NAT1: variants seen among roughly 807,000 people sequenced by gnomAD.
NAT1 encodes arylamine N-acetyltransferase 1.
For synonymous variants in NAT1, 144 were observed against 122.6 expected, an observed-to-expected ratio of 1.17 and a Z score of -1.16; for missense variants, 400 against 339.2, an observed-to-expected ratio of 1.18 and a Z score of -1.41.
intron 2 of NAT1, among the ~76,000 whole-genome samples, chr8:18,182,046 C>G (rs1190340258): frequency 6.6e-6 from 1 of 152,186 alleles, no homozygotes; most frequent in Non-Finnish European, 1.5e-5. Context: ...TGTCTCTCTC[C>G]TCTCTATGGT....
At chr8:18,172,219 A>C (rs533618728) in intron 2 of NAT1, among the ~76,000 whole-genome samples, 4 of 152,166 alleles carry the variant, frequency 2.6e-5, no homozygotes, top group Non-Finnish European at 5.9e-5. Flanking sequence ...AAACACTAGA[A>C]GAAGAGAATA....
chr8:18,184,358 C>T (rs1466376807), intron 2 of NAT1, among the ~76,000 whole-genome samples: 1 of 152,104 alleles, frequency 6.6e-6, no homozygotes, highest in Admixed American at 6.5e-5. Flanking sequence ...ACGGAGGGCG[C>T]CCTGGGCCCA....
chr8:18,205,648 A>C (rs886869498), upstream of NAT1, among the ~76,000 whole-genome samples: 5 of 152,280 alleles, frequency 3.3e-5, no homozygotes, highest in South Asian at 1.0e-3. Flanking sequence ...AAGGAAAGCA[A>C]AATCTGCCCA....
intron 2 of NAT1, among the ~76,000 whole-genome samples, chr8:18,197,825 T>G (rs954214698): frequency 6.6e-6 from 1 of 152,088 alleles, no homozygotes; most frequent in African/African-American, 2.4e-5. Context: ...TGTGACCTGG[T>G]TCTGACCAAT....
intron 2 of NAT1, among the ~76,000 whole-genome samples, chr8:18,191,746 C>T (rs1256819425): frequency 1.3e-5 from 2 of 152,012 alleles, no homozygotes; most frequent in Non-Finnish European, 2.9e-5. Context: ...GGAAAGGATT[C>T]CCTATTTAAT....
At chr8:18,174,006 CAG>C (rs1347063409) in intron 2 of NAT1, among the ~76,000 whole-genome samples, 3 of 152,052 alleles carry the variant, frequency 2.0e-5, no homozygotes, top group Non-Finnish European at 4.4e-5. Flanking sequence ...AAGTAAGAAA[CAG>C]AGACAGAGCT....
At chr8:18,203,086 A>T (rs1803547284) in intron 2 of NAT1, among the ~76,000 whole-genome samples, 1 of 152,164 alleles carries the variant, frequency 6.6e-6, no homozygotes, top group South Asian at 2.1e-4. Flanking sequence ...AAAGTTCTCC[A>T]AGTCCTCACT....
rs367743821 is a variant in NAT1 at position 18,192,838 on chromosome 8, T to C, written n.93-16943T>C. Among the ~76,000 whole-genome samples the C allele has an allele frequency of 6.2e-3, 910 of 145,628 alleles. 11 individuals are homozygous for C. The highest frequency in any genetic ancestry group is 0.021 in the African/African-American group (824 of 38,990). On this transcript the variant is annotated intron_variant and non_coding_transcript_variant, in intron 2 of 4. Coordinates refer to the NAT1 transcript ENST00000517441. ...GGGAACATCACACTCTGGGGACTGT[T>C]GTGGGGTGGGGGAAGGGGGGAGGGA...
At chr8:18,194,365 G>A (rs1803144237) in intron 2 of NAT1, among the ~76,000 whole-genome samples, 1 of 152,156 alleles carries the variant, frequency 6.6e-6, no homozygotes, top group Non-Finnish European at 1.5e-5. Context: ...CTCTGCCTAT[G>A]ATGACAATTA....
intron 2 of NAT1, among the ~76,000 whole-genome samples, chr8:18,178,285 TAGAC>T (rs28383665): frequency 0.031 from 4,722 of 152,232 alleles, 232 homozygotes; most frequent in African/African-American, 0.11. Context: ...GGTGACTTCT[TAGAC>T]AGCATTCCTT....
chr8:18,188,664 T>G (rs2117247545), intron 2 of NAT1, among the ~76,000 whole-genome samples: 2 of 152,062 alleles, frequency 1.3e-5, no homozygotes, highest in South Asian at 4.2e-4. Flanking sequence ...TAAATGAAAT[T>G]TAATTTTTTA....
chr8:18,189,949 C>G (rs951114602), intron 2 of NAT1, among the ~76,000 whole-genome samples: 1 of 152,100 alleles, frequency 6.6e-6, no homozygotes, highest in Non-Finnish European at 1.5e-5. Context: ...GCCACCACAC[C>G]TGGCTAATTT....
intron 2 of NAT1, among the ~76,000 whole-genome samples, chr8:18,188,041 T>C (rs1802816779): frequency 6.6e-6 from 1 of 151,756 alleles, no homozygotes; most frequent in African/African-American, 2.4e-5. Context: ...AGCTATGTTG[T>C]CTTCTTCAAA....
chr8:18,222,098 C>A lies in NAT1; in HGVS notation c.51C>A (p.Asn17Lys), dbSNP rs1563197095. Reference protein sequence around the residue: ...LERIGYKKSRNKLDLETLTDI... With the variant: ...LERIGYKKSRKKLDLETLTDI... ...GAATTGGCTATAAGAAGTCTAGGAA[C>A]AAATTGGACTTGGAAACATTAACTG... The change falls in exon 3 of 3, where the codon AAC (asparagine) becomes AAA (lysine). Residue 17 changes from asparagine (N) to lysine (K), a missense_variant. By Grantham distance (94) the Asn-to-Lys change is moderately conservative. Transcript: ENST00000307719. 2 of 1,614,030 alleles carry A rather than the reference C, an allele frequency of 1.2e-6. No individual in the cohort carries two copies. The highest frequency in any genetic ancestry group is 1.7e-6 in the Non-Finnish European group (2 of 1,179,940).
intron 2 of NAT1, 45 bp downstream of exon 2, chr8:18,219,534 C>G (rs560884023): frequency 1.9e-6 from 2 of 1,066,188 alleles, no homozygotes; most frequent in African/African-American, 3.2e-5. Context: ...TTCCTAAGCA[C>G]GTTCACTCTG....
At chr8:18,178,640 C>G (rs7818694) in intron 2 of NAT1, among the ~76,000 whole-genome samples, 46,060 of 152,010 alleles carry the variant, frequency 0.3, 8,371 homozygotes, top group African/African-American at 0.51. Flanking sequence ...CCATTTAAGT[C>G]ACAGATGAAT....
chr8:18,185,646 T>C (rs1227346406), intron 2 of NAT1, among the ~76,000 whole-genome samples: 2 of 152,136 alleles, frequency 1.3e-5, no homozygotes, highest in Non-Finnish European at 2.9e-5. Context: ...ATTTCCACTA[T>C]CTTTATTCTT....
intron 1 of NAT1, chr8:18,216,931 A>G (rs1053948527): frequency 3.9e-6 from 6 of 1,551,330 alleles, no homozygotes; most frequent in Non-Finnish European, 4.4e-6. Flanking sequence ...GCAGCCCTCG[A>G]GCCACAGGGT....
At chr8:18,199,125 C>T (rs930313496) in intron 2 of NAT1, among the ~76,000 whole-genome samples, 1 of 151,726 alleles carries the variant, frequency 6.6e-6, no homozygotes. Flanking sequence ...ACCAGCCTGA[C>T]CAACATAGTA....
Sources: gnomAD v4.1 joint callset for allele counts (sites outside exome capture counted in the v4.1 genomes callset) on GRCh38, gnomAD v4.1.1 for gene constraint, MANE v1.5 for transcripts, NCBI Gene and HGNC (gene_info 2026-07-23, HGNC 2026-07-21) for gene names.